Variants in PDE3A observed in about 807,000 individuals in gnomAD.
PDE3A encodes the protein cGMP-inhibited 3',5'-cyclic phosphodiesterase 3A.
PDE3A carries 43 observed loss-of-function variants against 98.3 expected under a neutral mutation model. That is an observed-to-expected ratio of 0.44 (90% CI 0.34 to 0.56). PDE3A has a LOEUF of 0.56. PDE3A is among the 20% of genes least tolerant of loss of function. PDE3A has a pLI of 0.01. For synonymous variants in PDE3A, 663 were observed against 567.9 expected (o/e 1.17, Z -2.38); for missense variants, 1,427 against 1,440.7 (o/e 0.99, Z 0.15).
At position 20,630,045 on chromosome 12, in the gene PDE3A, G is replaced by T; in HGVS notation, c.1678G>T (p.Gly560Cys). ...SADTTAKQSL[G>C]SHRALTYTQS... ...TGACACAACTGCCAAACAAAGCCTA[G>T]GTTCTCACAGGGCCTTAACTTACAC... Residue 560 changes from glycine to cysteine, a missense_variant, in exon 6 of 16, where the codon GGT becomes TGT. By Grantham distance (159) the Gly-to-Cys change is radical. Around this residue, in one of 3 missense-constraint regions of PDE3A, gnomAD observed 1,012 missense variants for 886.5 expected, o/e 1.14. Transcript: ENST00000359062. 7 of 1,614,006 alleles carry T rather than the reference G, an allele frequency of 4.3e-6. No homozygotes were observed. Among genetic ancestry groups the T allele is most frequent in the Non-Finnish European group, 5.9e-6 (7 of 1,179,944 alleles).
At chr12:20,664,823 A>G (rs1298439504) in intron 15 of PDE3A, among the ~76,000 whole-genome samples, 1 of 152,120 alleles carries the variant, frequency 6.6e-6, no homozygotes, top group Admixed American at 6.5e-5. Flanking sequence ...GTATGTCTTT[A>G]TCAGCAGTGT....
intron 1 of PDE3A, among the ~76,000 whole-genome samples, chr12:20,532,358 A>T (rs1592025943): frequency 6.6e-6 from 1 of 151,880 alleles, no homozygotes; most frequent in Non-Finnish European, 1.5e-5. Context: ...TAAATCATGT[A>T]ATTTATGCAA....
At chr12:20,557,672 C>T (rs35733067) in intron 2 of PDE3A, among the ~76,000 whole-genome samples, 2,098 of 152,222 alleles carry the variant, frequency 0.014, 20 homozygotes, top group Non-Finnish European at 0.016. Flanking sequence ...TACTTAATTC[C>T]GGTCACTAGG....
intron 15 of PDE3A, among the ~76,000 whole-genome samples, chr12:20,663,036 C>T (rs897607552): frequency 2.5e-4 from 38 of 152,188 alleles, no homozygotes; most frequent in African/African-American, 9.2e-4. Context: ...CCAGCTGTTT[C>T]AGCCATGGCA....
rs146786447 is a variant in PDE3A at position 20,682,786 on chromosome 12, T to C, written c.*2515T>C. The C allele has an allele frequency of 3.1e-4, 47 of 152,328 alleles. No individual in the cohort carries two copies. Among genetic ancestry groups the C allele is most frequent in the African/African-American group, 1.1e-3 (44 of 41,580 alleles). The allele number at this position is 152,328 out of a possible 1,614,324, so 9.4% of individuals were successfully genotyped here. ...GCATCTAAGTACTTAGCAAAGTCAA[T>C]ATTTTCCCATTTTCCAAATGCGTCC... On this transcript the variant is annotated 3_prime_UTR_variant, in exon 16 of 16. Transcript: ENST00000359062.
intron 1 of PDE3A, among the ~76,000 whole-genome samples, chr12:20,527,630 A>T (rs1240137849): frequency 1.3e-5 from 2 of 152,158 alleles, no homozygotes; most frequent in Non-Finnish European, 2.9e-5. Context: ...AACCTGTAAA[A>T]CATTATACAA....
At chr12:20,669,664 C>G (rs1049025113) in intron 15 of PDE3A, among the ~76,000 whole-genome samples, 11 of 151,756 alleles carry the variant, frequency 7.2e-5, no homozygotes, top group African/African-American at 2.7e-4. Flanking sequence ...GATTTTGTCA[C>G]CACCAGGCCT....
At chr12:20,614,640 G>A (rs1482776932) in intron 3 of PDE3A, among the ~76,000 whole-genome samples, 5 of 152,074 alleles carry the variant, frequency 3.3e-5, no homozygotes, top group Admixed American at 2.0e-4. Context: ...GTTCCTTCAG[G>A]TCTCAAATTA....
At chr12:20,568,630 A>G (rs1057492806) in intron 2 of PDE3A, among the ~76,000 whole-genome samples, 4 of 152,046 alleles carry the variant, frequency 2.6e-5, no homozygotes, top group African/African-American at 9.6e-5. Context: ...AGCACAGTAT[A>G]GTGAATAATG....
At chr12:20,494,740 G>A (rs752920602) in intron 1 of PDE3A, among the ~76,000 whole-genome samples, 9 of 152,022 alleles carry the variant, frequency 5.9e-5, no homozygotes, top group Admixed American at 2.6e-4. Flanking sequence ...AATACATGTC[G>A]TTCTGCACTG....
rs1028444784 is a variant in PDE3A at position 20,456,203 on chromosome 12, T to C, written c.960+85959T>C. Among the ~76,000 whole-genome samples, 3 of 152,096 alleles carry C rather than the reference T, an allele frequency of 2.0e-5. No individual in the cohort carries two copies. In the South Asian group the frequency reaches 6.2e-4, roughly 31 times the overall value. ...GAGAGAATTGGAAGCATTTACTACG[T>C]TTTCCTTTAAATAAGTTTGCTGAGT... On this transcript the variant is annotated intron_variant, in intron 1 of 15. Transcript: ENST00000359062.
chr12:20,398,198 G>C (rs1480270440), intron 1 of PDE3A, among the ~76,000 whole-genome samples: 1 of 151,676 alleles, frequency 6.6e-6, no homozygotes, highest in African/African-American at 2.4e-5. Context: ...TGGCTTATTG[G>C]CGGGAAAAAG....
rs1004689232 is a variant in PDE3A, at chr12:20,552,029, A to G, written c.961-4631A>G. The G allele has an allele frequency of 6.8e-6, 11 of 1,612,290 alleles. No individual in the cohort carries two copies. Among genetic ancestry groups the G allele is most frequent in the Middle Eastern group, 2.1e-4 (1 of 4,754 alleles). On this transcript the variant is annotated intron_variant, in intron 1 of 15. Transcript: ENST00000359062. The surrounding 1 kb of genome is among the most constrained non-coding windows in gnomAD (Gnocchi z 5.1). ...TCCCTAGTCCTGGCGGGGGGCTACG[A>G]GGATGACGTGGACCATGGGAATTTT...
chr12:20,476,375 G>A (rs1052873306), intron 1 of PDE3A, among the ~76,000 whole-genome samples: 3 of 152,182 alleles, frequency 2.0e-5, no homozygotes, highest in Non-Finnish European at 2.9e-5. Context: ...TGAGTTTTGC[G>A]GGATATATTT....
chr12:20,514,527 G>T (rs1049251506), intron 1 of PDE3A, among the ~76,000 whole-genome samples: 1 of 152,060 alleles, frequency 6.6e-6, no homozygotes, highest in African/African-American at 2.4e-5. Flanking sequence ...TGAAGACAAA[G>T]GGTAGAAGTA....
At chr12:20,477,063 T>C (rs1945543919) in intron 1 of PDE3A, among the ~76,000 whole-genome samples, 1 of 152,222 alleles carries the variant, frequency 6.6e-6, no homozygotes, top group Non-Finnish European at 1.5e-5. Context: ...ATCCTCATTC[T>C]ATCTACTTTT....
intron 1 of PDE3A, among the ~76,000 whole-genome samples, chr12:20,508,956 G>A (rs1946167656): frequency 6.6e-6 from 1 of 151,760 alleles, no homozygotes; most frequent in Non-Finnish European, 1.5e-5. Flanking sequence ...ATCTTTAAAT[G>A]AGCAAAATTT....
At chr12:20,419,027 C>T (rs186419871) in intron 1 of PDE3A, among the ~76,000 whole-genome samples, 5 of 152,134 alleles carry the variant, frequency 3.3e-5, no homozygotes, top group Non-Finnish European at 4.4e-5. Context: ...TTCTTGGTTG[C>T]ACTTCTGATT....
intron 1 of PDE3A, among the ~76,000 whole-genome samples, chr12:20,407,840 T>C (rs1237422187): frequency 6.6e-6 from 1 of 151,380 alleles, no homozygotes; most frequent in East Asian, 1.9e-4. Flanking sequence ...TGTGTAAAAA[T>C]TAATTTTTTT....
Sources: gnomAD v4.1 joint callset for allele counts (sites outside exome capture counted in the v4.1 genomes callset) on GRCh38, gnomAD v4.1.1 for gene constraint, gnomAD v4.1.1 regional missense constraint, Gnocchi (gnomAD v3.1) non-coding constraint, MANE v1.5 for transcripts, NCBI Gene and HGNC (gene_info 2026-07-23, HGNC 2026-07-21) for gene names.